OTOA: variants seen among roughly 807,000 people sequenced by gnomAD.
The protein encoded by OTOA is cancer/testis antigen 108.
A neutral mutation model predicts 110.8 loss-of-function variants in OTOA; 70 were observed. The ratio of observed to expected loss-of-function variants is 0.63; its 90% CI spans 0.52 to 0.77. The LOEUF is 0.77. Among genes scored for constraint, OTOA ranks in the 30% least tolerant of loss-of-function variants. The probability of loss-of-function intolerance (pLI) is 0.00; values close to 1 mark genes in which losing one functional copy is unlikely to be tolerated. For synonymous variants in OTOA, 373 were observed against 431.5 expected (o/e 0.86, Z 1.68); for missense variants, 917 against 1,075.8 (o/e 0.85, Z 2.06).
intron 8 of OTOA, 71 bp from the exon 9 acceptor site, chr16:21,691,513 G>T: frequency 7.7e-7 from 1 of 1,296,992 alleles, no homozygotes; most frequent in Non-Finnish European, 1.1e-6. Context: ...CACATTTGCT[G>T]TTGTGACTCC....
intron 2 of OTOA, 58 bp downstream of exon 2, chr16:21,678,663 T>A: frequency 1.4e-6 from 2 of 1,468,542 alleles, no homozygotes; most frequent in Non-Finnish European, 1.9e-6. Flanking sequence ...GGGAATGAGG[T>A]GGGATAGATA....
intron 20 of OTOA, among the ~76,000 whole-genome samples, chr16:21,728,961 G>T (rs1246553471): frequency 1.2e-4 from 18 of 152,112 alleles, no homozygotes; most frequent in African/African-American, 4.3e-4. Flanking sequence ...TTCTTACACA[G>T]CTTGGCATAT....
chr16:21,667,479 C>G (rs373399883), intron 1 of OTOA, among the ~76,000 whole-genome samples: 2 of 151,950 alleles, frequency 1.3e-5, no homozygotes, highest in Non-Finnish European at 2.9e-5. Context: ...ACGGCGAAAC[C>G]CTGTCTCTAC....
intron 13 of OTOA, among the ~76,000 whole-genome samples, chr16:21,711,657 C>T (rs1017403042): frequency 3.9e-5 from 6 of 152,106 alleles, no homozygotes; most frequent in South Asian, 4.1e-4. Flanking sequence ...TTAGTAGAGA[C>T]GAGGTTTCGC....
intron 11 of OTOA, 27 bp downstream of exon 11, chr16:21,701,054 A>G: frequency 6.2e-7 from 1 of 1,613,996 alleles, no homozygotes; most frequent in Non-Finnish European, 8.5e-7. Context: ...TGGGCCTTGG[A>G]GCCCTTTCCC....
chr16:21,696,831 A>G (rs1017699192), intron 9 of OTOA, among the ~76,000 whole-genome samples: 2 of 152,060 alleles, frequency 1.3e-5, no homozygotes, highest in Non-Finnish European at 2.9e-5. Context: ...GAAAAAATAA[A>G]ACTACATTTT....
At chr16:21,705,753 G>A (rs540826418) in intron 12 of OTOA, among the ~76,000 whole-genome samples, 74 of 152,238 alleles carry the variant, frequency 4.9e-4, no homozygotes, top group African/African-American at 1.8e-3. Flanking sequence ...AGACCAGCAT[G>A]GCCAACATGG....
In OTOA at chr16:21,723,261, G is replaced by A. The variant is rs139739270; in HGVS notation, c.1880+283G>A. ...CAGGTCCCATCTGGCCTGGCTTTGC[G>A]GCTGTGCCAGGCTCCAGGGGAATCA... On this transcript the variant is annotated intron_variant, in intron 18 of 28. Transcript: ENST00000646100. Among the ~76,000 whole-genome samples the A allele has an allele frequency of 0.01, 1,546 of 152,222 alleles. 15 individuals carry two copies. The highest frequency in any genetic ancestry group is 0.015 in the Non-Finnish European group (990 of 68,016).
Position 21,678,538 on chromosome 16 carries a change from C to T in OTOA, c.24C>T (p.Tyr8=), listed in dbSNP as rs775840011. The change falls in exon 2 of 29, where the codon TAC becomes TAT. Residue 8 remains tyrosine, a synonymous_variant. Transcript: ENST00000646100. ...GAATGTCTCAGGAACCTACGACATACTCCCTTTTCCTATTCCTTTTTCTGA... is the reference window on the plus strand; with the variant it reads ...GAATGTCTCAGGAACCTACGACATATTCCCTTTTCCTATTCCTTTTTCTGA... MSQEPTT[Y]SLFLFLFLSH... 1.1e-5 allele frequency: 18 copies of T among 1,613,750 alleles called. No individual in the cohort carries two copies. The South Asian group carries it at 1.6e-4, about 15-fold the overall frequency.
At chr16:21,685,513 C>T (rs1440688426) in intron 7 of OTOA, 152 bp downstream of exon 7, 9 of 1,027,946 alleles carry the variant, frequency 8.8e-6, no homozygotes, top group Non-Finnish European at 4.2e-6. Flanking sequence ...GGCTTTAGGA[C>T]CTAAGTTTTC....
chr16:21,704,639 C>T (rs1220636881), intron 11 of OTOA, among the ~76,000 whole-genome samples: 4 of 152,078 alleles, frequency 2.6e-5, no homozygotes, highest in African/African-American at 4.8e-5. Context: ...CAGCTCTCAG[C>T]GCTCTGTTAT....
rs143853515 is a variant in OTOA, at chr16:21,705,304, G to C, written c.1104+12G>C. On this transcript the variant is annotated intron_variant, in intron 12 of 28. Transcript: ENST00000646100. ...CTGGCGTCCAGAAGGTACAGCTGGGGTGCAAGGCCCTGAGGCCTCTGCCTC... is the reference window on the plus strand; with the variant it reads ...CTGGCGTCCAGAAGGTACAGCTGGGCTGCAAGGCCCTGAGGCCTCTGCCTC... The C allele has an allele frequency of 3.1e-6, 5 of 1,613,548 alleles. No homozygotes were observed. The highest frequency in any genetic ancestry group is 4.2e-6 in the Non-Finnish European group (5 of 1,180,022).
rs770178828 is a variant in OTOA at position 21,691,619 on chromosome 16, C to T, written c.671C>T (p.Ser224Leu). Reference protein sequence around the residue: ...AVFKDLYDKTSAHSQRALYSW... With the variant: ...AVFKDLYDKTLAHSQRALYSW... The stretch of plus-strand genomic sequence containing the variant: ...TTCAAAGATCTCTACGACAAAACCT[C>T]GGCTCATTCCCAGAGAGCTCTCTAT... Residue 224 changes from serine (S) to leucine (L), a missense_variant, in exon 9 of 29, where the codon TCG becomes TTG. This residue lies in a region of OTOA where 840 missense variants were observed against 910.2 expected (regional missense o/e 0.92). Transcript: ENST00000646100. 1.6e-5 allele frequency: 26 copies of T among 1,613,796 alleles called. No individual in the cohort carries two copies. The Middle Eastern group carries it at 4.9e-4, about 31-fold the overall frequency.
Position 21,708,315 on chromosome 16 carries a change from G to A in OTOA, c.1105-1573G>A, listed in dbSNP as rs1167361081. On this transcript the variant is annotated intron_variant, in intron 12 of 28. Transcript: ENST00000646100. Reference sequence around the variant, plus strand: ...AGTGCACAATAGGGTTTGCTCTTAGGAGAATCTAATGCCGCTTCTGATCTG... The same window carrying A: ...AGTGCACAATAGGGTTTGCTCTTAGAAGAATCTAATGCCGCTTCTGATCTG... Among the ~76,000 whole-genome samples, 3 of 152,086 alleles carry A rather than the reference G, an allele frequency of 2.0e-5. No individual in the cohort carries two copies. In the East Asian group the frequency reaches 5.8e-4, roughly 29 times the overall value.
In OTOA at chr16:21,719,466, G is replaced by A; in HGVS notation, c.1768G>A (p.Asp590Asn). ...STDFFLAHFQ[D>N]FQNNFALLSP... ...TGACTTCTTTCTGGCCCATTTCCAG[G>A]ATTTTCAGAACAACTTCGCCCTGCT... The change falls in exon 17 of 29, where the codon GAT (aspartate) becomes AAT (asparagine). Residue 590 changes from aspartate (D) to asparagine (N), a missense_variant. Physicochemically the swap from Asp to Asn is conservative, Grantham distance 23. Transcript: ENST00000646100. The A allele has an allele frequency of 1.2e-6, 2 of 1,614,056 alleles. No individual in the cohort carries two copies. The highest frequency in any genetic ancestry group is 2.2e-5 in the South Asian group (2 of 91,070).
chr16:21,724,449 AG>A (rs1374172591), intron 18 of OTOA, among the ~76,000 whole-genome samples: 1 of 152,064 alleles, frequency 6.6e-6, no homozygotes, highest in Non-Finnish European at 1.5e-5. Flanking sequence ...AGGGGAGAGA[AG>A]GCCAGAGAGT....
rs1418205694 is a variant in OTOA, at chr16:21,757,863, C to T, written c.3349+586C>T. On this transcript the variant is annotated intron_variant, in intron 28 of 28. Coordinates refer to ENST00000646100, the MANE Select transcript of OTOA (RefSeq NM_144672.4). ...GAACTCCTGACCTCAGGTCATCTGC[C>T]CACCTCAGCCTCCCAAAGTGTTGGG... Among the ~76,000 whole-genome samples the T allele has an allele frequency of 2.6e-5, 4 of 152,098 alleles. No homozygotes were observed. In the East Asian group the frequency reaches 7.7e-4, roughly 29 times the overall value.
intron 11 of OTOA, 34 bp from the exon 12 acceptor site, chr16:21,705,135 C>T (rs1333378496): frequency 1.2e-6 from 2 of 1,614,048 alleles, no homozygotes; most frequent in Non-Finnish European, 1.7e-6. Context: ...TCTGCGGTTA[C>T]ACCTCCACCA....
intron 6 of OTOA, among the ~76,000 whole-genome samples, chr16:21,682,894 C>G (rs1283828468): frequency 3.3e-5 from 5 of 152,204 alleles, no homozygotes; most frequent in Non-Finnish European, 7.3e-5. Context: ...CAGCCACTAG[C>G]TGGAGGTGGC....
Sources: gnomAD v4.1 joint callset for allele counts (sites outside exome capture counted in the v4.1 genomes callset) on GRCh38, gnomAD v4.1.1 for gene constraint, gnomAD v4.1.1 regional missense constraint, MANE v1.5 for transcripts, NCBI Gene and HGNC (gene_info 2026-07-23, HGNC 2026-07-21) for gene names.